Variants in MSH4 observed in about 807,000 individuals in gnomAD.
MSH4 encodes mutS protein homolog 4.
In MSH4, 106 loss-of-function variants were observed where a neutral mutation model predicts 113.7. That is an observed-to-expected ratio of 0.93 (90% confidence interval 0.80 to 1.10). MSH4 has a LOEUF of 1.10. Ranked by LOEUF, MSH4 falls within the 50% of genes least tolerant of loss-of-function variation. The pLI is 0.00. For missense variants in MSH4, 1,061 were observed against 1,093.7 expected (o/e 0.97, Z 0.42); for synonymous variants, 368 against 380.2 (o/e 0.97, Z 0.37).
chr1:75,828,252 T>C (rs1262298657), intron 7 of MSH4, among the ~76,000 whole-genome samples: 1 of 152,192 alleles, frequency 6.6e-6, no homozygotes, highest in Non-Finnish European at 1.5e-5. Flanking sequence ...AGTTTGGAGA[T>C]TTCTCAGAGA....
intron 19 of MSH4, 22 bp from the exon 20 acceptor site, chr1:75,912,674 A>ATTT: frequency 1.5e-6 from 1 of 683,736 alleles, no homozygotes; most frequent in African/African-American, 2.2e-5. Context: ...ATATATATAT[A>ATTT]TTTTTTTTTT....
rs1192943161 is a variant in MSH4 at position 75,803,851 on chromosome 1, T to A, written c.365T>A (p.Leu122Ter). ...TNYPQTLKTP[L>*]STGNPQRSGY... ...TATCCTCAAACACTTAAAACTCCAT[T>A]GTCTACTGGAAATCCTCAGAGATCA... Residue 122 changes from leucine to a stop codon, truncating the protein, a stop_gained, in exon 2 of 20, where the codon TTG becomes TAG. Coordinates refer to ENST00000263187, the MANE Select transcript of MSH4 (RefSeq NM_002440.4). LOFTEE classifies it high-confidence loss of function. 3.1e-5 allele frequency: 49 copies of A among 1,598,812 alleles called. No homozygotes were observed. Among genetic ancestry groups the A allele is most frequent in the Non-Finnish European group, 4.1e-5 (48 of 1,173,240 alleles).
chr1:75,816,394 T>C lies in MSH4; in HGVS notation c.837T>C (p.Val279=). The part of the protein sequence containing the change: ...VQSKYYCLAA[V]AALLKYVEFI... ...TTAGGTATTACTGCCTTGCAGCTGT[T>C]GCAGCTTTGTTAAAATATGTTGAAT... Residue 279 remains valine, a synonymous_variant, in exon 6 of 20, where the codon GTT becomes GTC. Coordinates refer to ENST00000263187, the MANE Select transcript of MSH4 (RefSeq NM_002440.4). 6.2e-7 allele frequency: 1 copy of C among 1,604,712 alleles called. No homozygotes were observed. Among genetic ancestry groups the C allele is most frequent in the Non-Finnish European group, 8.5e-7 (1 of 1,174,368 alleles).
intron 14 of MSH4, among the ~76,000 whole-genome samples, chr1:75,881,693 A>T (rs771577160): frequency 4.6e-5 from 7 of 152,100 alleles, no homozygotes; most frequent in Non-Finnish European, 8.8e-5. Context: ...AAATCTGAAT[A>T]CTTATTAGAA....
chr1:75,883,685 A>G lies in MSH4; in HGVS notation c.1971A>G (p.Ile657Met), dbSNP rs1288873478. The G allele has an allele frequency of 6.2e-7, 1 of 1,613,478 alleles. No individual in the cohort carries two copies. The part of the protein sequence containing the change: ...KQGWHPILEK[I>M]SAEKPIANNT... ...GATGGCATCCTATTCTTGAAAAAAT[A>G]TCTGCGGAAAAACCTATTGCCAACA... Residue 657 changes from isoleucine (I) to methionine (M), a missense_variant, in exon 15 of 20, where the codon ATA (isoleucine) becomes ATG (methionine). By Grantham distance (10) the Ile-to-Met change is conservative. Transcript: ENST00000263187.
rs1328605520 is a variant in MSH4, at chr1:75,796,932, T to C, written c.-54T>C. 1.2e-5 allele frequency: 20 copies of C among 1,605,416 alleles called. No homozygotes were observed. The highest frequency in any genetic ancestry group is 1.6e-5 in the Non-Finnish European group (19 of 1,175,060). ...GGCGCAGCTTCTGTAGTTGGGCTAC[T>C]GGAGGGGTCGCTCAGAAACCTCATA... is the stretch of plus-strand genomic sequence containing the variant. On this transcript the variant is annotated 5_prime_UTR_variant, in exon 1 of 20. Transcript: ENST00000263187.
At chr1:75,834,901 A>G (rs557628029) in intron 7 of MSH4, among the ~76,000 whole-genome samples, 1 of 152,362 alleles carries the variant, frequency 6.6e-6, no homozygotes, top group East Asian at 1.9e-4. Context: ...GTGCACATGT[A>G]CCCTAGAACT....
intron 8 of MSH4, among the ~76,000 whole-genome samples, chr1:75,850,055 T>G (rs1651153786): frequency 6.6e-6 from 1 of 152,140 alleles, no homozygotes; most frequent in African/African-American, 2.4e-5. Context: ...TTTTAATATG[T>G]TCTCTGTTTT....
chr1:75,829,012 G>T (rs563716538), intron 7 of MSH4, among the ~76,000 whole-genome samples: 1 of 152,254 alleles, frequency 6.6e-6, no homozygotes, highest in East Asian at 1.9e-4. Context: ...AAGCACAAGG[G>T]TTCAGAGAAT....
intron 18 of MSH4, among the ~76,000 whole-genome samples, chr1:75,899,295 T>A (rs1419905405): frequency 1.3e-5 from 2 of 152,174 alleles, no homozygotes; most frequent in East Asian, 3.8e-4. Flanking sequence ...TGACCTTCTG[T>A]TAACCAACTA....
At chr1:75,808,345 A>G (rs1006406136) in intron 3 of MSH4, among the ~76,000 whole-genome samples, 1 of 152,170 alleles carries the variant, frequency 6.6e-6, no homozygotes, top group Non-Finnish European at 1.5e-5. Context: ...CATAACTGTT[A>G]TTATACCTGT....
intron 6 of MSH4, among the ~76,000 whole-genome samples, chr1:75,816,999 C>A (rs1014055066): frequency 6.6e-6 from 1 of 152,138 alleles, no homozygotes; most frequent in African/African-American, 2.4e-5. Flanking sequence ...CCAGGCTGGT[C>A]TCAAACTCCT....
intron 7 of MSH4, among the ~76,000 whole-genome samples, chr1:75,839,835 A>G (rs1379775228): frequency 6.8e-6 from 1 of 147,522 alleles, no homozygotes. Context: ...AAAAACAAAC[A>G]ACCCCATCAA....
Position 75,812,640 on chromosome 1 carries a change from G to A in MSH4, c.699+1833G>A, listed in dbSNP as rs367657872. Among the ~76,000 whole-genome samples the A allele has an allele frequency of 6.0e-4, 91 of 152,296 alleles. 2 individuals are homozygous for A. The highest frequency in any genetic ancestry group is 2.1e-3 in the African/African-American group (86 of 41,564). On this transcript the variant is annotated intron_variant, in intron 4 of 19. Transcript: ENST00000263187. Reference sequence around the variant, plus strand: ...ACCTGGGAGGCAGAGGTTGCAGCGAGCCGAGATTGTGCCATTGCACTGCAG... The same window carrying A: ...ACCTGGGAGGCAGAGGTTGCAGCGAACCGAGATTGTGCCATTGCACTGCAG...
In MSH4 at chr1:75,883,704, G is replaced by A; in HGVS notation, c.1990G>A (p.Ala664Thr). Reference sequence around the variant, plus strand: ...AAAAATATCTGCGGAAAAACCTATTGCCAACAATACCTATGTTACAGAAGG... The same window carrying A: ...AAAAATATCTGCGGAAAAACCTATTACCAACAATACCTATGTTACAGAAGG... ...LEKISAEKPI[A>T]NNTYVTEGSN... Residue 664 changes from alanine (A) to threonine (T), a missense_variant, in exon 15 of 20, where the codon GCC becomes ACC. By Grantham distance (58) the Ala-to-Thr change is moderately conservative. Transcript: ENST00000263187. The A allele has an allele frequency of 1.2e-6, 2 of 1,612,730 alleles. No individual in the cohort carries two copies. The highest frequency in any genetic ancestry group is 1.7e-6 in the Non-Finnish European group (2 of 1,179,346).
intron 8 of MSH4, among the ~76,000 whole-genome samples, chr1:75,862,119 T>TCTG (rs889374672): frequency 2.6e-5 from 4 of 152,170 alleles, no homozygotes; most frequent in African/African-American, 9.7e-5. Context: ...GATCTCCTGG[T>TCTG]CTGCCAGTTG....
chr1:75,878,403 G>A, intron 11 of MSH4, 85 bp downstream of exon 11: 2 of 1,029,290 alleles, frequency 1.9e-6, no homozygotes. Flanking sequence ...CTGATGACTA[G>A]CCATACATAT....
At chr1:75,891,428 G>A (rs1557527461) in intron 17 of MSH4, among the ~76,000 whole-genome samples, 1 of 151,828 alleles carries the variant, frequency 6.6e-6, no homozygotes, top group Non-Finnish European at 1.5e-5. Context: ...TTAAATGAAA[G>A]TCCATAATGA....
At chr1:75,895,312 C>A (rs1199145982) in intron 17 of MSH4, among the ~76,000 whole-genome samples, 1 of 152,190 alleles carries the variant, frequency 6.6e-6, no homozygotes, top group African/African-American at 2.4e-5. Flanking sequence ...TATCTCCGTT[C>A]TGTCATGCTC....
Sources: gnomAD v4.1 joint callset for allele counts (sites outside exome capture counted in the v4.1 genomes callset) on GRCh38, gnomAD v4.1.1 for gene constraint, MANE v1.5 for transcripts, NCBI Gene and HGNC (gene_info 2026-07-23, HGNC 2026-07-21) for gene names.